Variants in FRMD5 observed in about 807,000 individuals in gnomAD.
The protein encoded by FRMD5 is FERM domain containing 5.
Under a neutral mutation model 69.0 loss-of-function variants are expected in FRMD5, and 20 were observed. The ratio of observed to expected loss-of-function variants is 0.29; its 90% CI spans 0.20 to 0.42. The LOEUF is 0.42. FRMD5 is among the 10% of genes least tolerant of loss of function. The pLI is 1.00. For missense variants in FRMD5, 595 were observed against 708.6 expected (o/e 0.84, Z 1.82); for synonymous variants, 271 against 260.1 (o/e 1.04, Z -0.40).
chr15:44,183,739 TG>T (rs1199536918), intron 1 of FRMD5, among the ~76,000 whole-genome samples: 1 of 152,110 alleles, frequency 6.6e-6, no homozygotes, highest in Non-Finnish European at 1.5e-5. Flanking sequence ...CCCAGTACTT[TG>T]GGAAGCTGAG....
At chr15:44,089,607 G>A (rs1005090342) in intron 1 of FRMD5, among the ~76,000 whole-genome samples, 2 of 152,076 alleles carry the variant, frequency 1.3e-5, no homozygotes, top group African/African-American at 4.8e-5. Flanking sequence ...GGAGGCTGAG[G>A]TGGGAGGATG....
intron 1 of FRMD5, among the ~76,000 whole-genome samples, chr15:44,151,247 A>G (rs1264577837): frequency 6.7e-6 from 1 of 150,172 alleles, no homozygotes. Context: ...AATACAAAAT[A>G]TTAGCCAAGC....
Position 44,093,025 on chromosome 15 carries a change from G to A in FRMD5, c.102+101928C>T, listed in dbSNP as rs139233373. On this transcript the variant is annotated intron_variant, in intron 1 of 13. Transcript: ENST00000417257. ...CGGCTCACCACAACCTCTGCCTCCC[G>A]GGTTCAAGTGATTCTCCTGCCTCAG... is the stretch of plus-strand genomic sequence containing the variant. 7.8e-3 allele frequency among the ~76,000 whole-genome samples: 1,109 copies of A among 142,994 alleles called. 21 individuals carry two copies. The highest frequency in any genetic ancestry group is 0.027 in the African/African-American group (1,050 of 38,436). The allele number at this position is 142,994 out of a possible 152,430, so 93.8% of individuals were successfully genotyped here. A position where few individuals can be genotyped will look rare whatever the true frequency, so the allele number is the denominator to read the frequency against.
intron 1 of FRMD5, among the ~76,000 whole-genome samples, chr15:44,062,936 C>A (rs1159543760): frequency 6.6e-6 from 1 of 152,074 alleles, no homozygotes; most frequent in Admixed American, 6.5e-5. Context: ...TATGTGGGTC[C>A]ATTTCTGGAC....
intron 1 of FRMD5, among the ~76,000 whole-genome samples, chr15:43,993,256 G>A (rs866191026): frequency 3.3e-5 from 5 of 152,024 alleles, no homozygotes; most frequent in Admixed American, 6.6e-5. Context: ...GCAGTGGCAC[G>A]ATCTCGGCTC....
In FRMD5 at chr15:43,902,156, TCC is replaced by T. The variant is rs2089061380; in HGVS notation, c.639+17_639+18del. The T allele has an allele frequency of 1.9e-6, 3 of 1,596,822 alleles. No homozygotes were observed. In the Admixed American group the frequency reaches 5.0e-5, roughly 27 times the overall value. ...CTAGAGGAGGAAAGGTCATGCAGTC[TCC>T]AACCAGGGGGTCTTACCTTACATGG... is the stretch of plus-strand genomic sequence containing the variant. On this transcript the variant is annotated intron_variant, in intron 7 of 13. Coordinates refer to ENST00000417257, the MANE Select transcript of FRMD5 (RefSeq NM_032892.5).
At chr15:44,133,400 C>T (rs2077133031) in intron 1 of FRMD5, among the ~76,000 whole-genome samples, 1 of 151,414 alleles carries the variant, frequency 6.6e-6, no homozygotes, top group African/African-American at 2.4e-5. Context: ...CACGGTGAAA[C>T]CCCGTGTCTA....
chr15:44,103,329 G>C (rs1449031222), intron 1 of FRMD5, among the ~76,000 whole-genome samples: 2 of 151,998 alleles, frequency 1.3e-5, no homozygotes, highest in East Asian at 3.9e-4. Context: ...AAGATATAGA[G>C]GATTTTTACC....
chr15:43,876,636 G>T (rs774437612), intron 13 of FRMD5, among the ~76,000 whole-genome samples: 2 of 152,196 alleles, frequency 1.3e-5, no homozygotes, highest in Non-Finnish European at 2.9e-5. Flanking sequence ...AGCTTATAAG[G>T]TCAATATTTT....
At chr15:43,944,804 G>C (rs1345643581) in intron 1 of FRMD5, among the ~76,000 whole-genome samples, 1 of 152,098 alleles carries the variant, frequency 6.6e-6, no homozygotes, top group African/African-American at 2.4e-5. Context: ...TCAGATATTT[G>C]GGCAGGATTT....
At chr15:43,906,996 G>A (rs2089192171) in intron 5 of FRMD5, among the ~76,000 whole-genome samples, 1 of 152,110 alleles carries the variant, frequency 6.6e-6, no homozygotes, top group Non-Finnish European at 1.5e-5. Flanking sequence ...TCTAAACCTG[G>A]TAAGATCTCA....
At chr15:44,081,885 T>C (rs1055620526) in intron 1 of FRMD5, among the ~76,000 whole-genome samples, 2 of 151,952 alleles carry the variant, frequency 1.3e-5, no homozygotes, top group Non-Finnish European at 2.9e-5. Context: ...ATCTGCTACA[T>C]ATAGACAGCC....
intron 13 of FRMD5, chr15:43,875,819 TTTTTTTTTC>T: frequency 2.7e-6 from 1 of 371,544 alleles, no homozygotes; most frequent in East Asian, 4.7e-5. Context: ...TTTTTTTTTT[TTTTTTTTTC>T]TTTCAGTCTT....
At chr15:43,989,867 T>C (rs1889586000) in intron 1 of FRMD5, 1 of 1,036,012 alleles carries the variant, frequency 9.7e-7, no homozygotes, top group Non-Finnish European at 1.5e-6. Context: ...GGGACCTTGG[T>C]CAGCAGCATG....
At chr15:43,891,915 G>A (rs757608872) in intron 8 of FRMD5, 66 bp downstream of exon 8, 256 of 1,338,202 alleles carry the variant, frequency 1.9e-4, no homozygotes, top group Non-Finnish European at 2.7e-4. Flanking sequence ...CAAAGGACAC[G>A]GGAACCGTCG....
intron 1 of FRMD5, among the ~76,000 whole-genome samples, chr15:44,014,961 G>T (rs1261869058): frequency 6.6e-6 from 1 of 152,066 alleles, no homozygotes; most frequent in Non-Finnish European, 1.5e-5. Context: ...GGAAATTAAG[G>T]TGGGTATGGT....
chr15:43,897,779 G>C, intron 7 of FRMD5, among the ~76,000 whole-genome samples: 1 of 152,122 alleles, frequency 6.6e-6, no homozygotes, highest in Middle Eastern at 3.2e-3. Context: ...AATCTGATGT[G>C]GAATTTTAAC....
intron 1 of FRMD5, among the ~76,000 whole-genome samples, chr15:44,017,869 A>G (rs985747436): frequency 6.6e-6 from 1 of 152,030 alleles, no homozygotes; most frequent in Admixed American, 6.6e-5. Flanking sequence ...TCATCCTCCC[A>G]AAGTGCTGGG....
intron 1 of FRMD5, among the ~76,000 whole-genome samples, chr15:44,002,680 T>C (rs1890264192): frequency 6.6e-6 from 1 of 152,144 alleles, no homozygotes; most frequent in African/African-American, 2.4e-5. Context: ...TCACAGTGCT[T>C]TTCCATACAA....
Sources: gnomAD v4.1 joint callset for allele counts (sites outside exome capture counted in the v4.1 genomes callset) on GRCh38, gnomAD v4.1.1 for gene constraint, MANE v1.5 for transcripts, NCBI Gene and HGNC (gene_info 2026-07-23, HGNC 2026-07-21) for gene names.